The following ZNF713 variants were observed in gnomAD, a reference collection of about 807,000 sequenced individuals.
The protein encoded by ZNF713 is zinc finger protein 713.
A neutral mutation model predicts 28.7 loss-of-function variants in ZNF713; 21 were observed. That is an observed-to-expected ratio of 0.73 (90% CI 0.52 to 1.05). ZNF713 has a LOEUF of 1.05. Among genes scored for constraint, ZNF713 ranks in the 50% least tolerant of loss-of-function variants. The probability of loss-of-function intolerance (pLI) is 0.00; values close to 1 mark genes in which losing one functional copy is unlikely to be tolerated. For missense variants in ZNF713, 458 were observed against 532.4 expected (o/e 0.86, Z 1.37); for synonymous variants, 167 against 178.0 (o/e 0.94, Z 0.49).
At position 55,923,608 on chromosome 7, in the gene ZNF713, G is replaced by A; in HGVS notation, c.216G>A (p.Gly72=). ...LENYRNLVAL[G]YQLCKPEVIA... Reference sequence around the variant, plus strand: ...GATGTATGTTACTCCTGTGAATAGGGTATCAGCTTTGTAAGCCAGAGGTAA... The same window carrying A: ...GATGTATGTTACTCCTGTGAATAGGATATCAGCTTTGTAAGCCAGAGGTAA... Residue 72 remains glycine, a splice_region_variant and synonymous_variant, in exon 6 of 7, where the codon GGG becomes GGA. Coordinates refer to ENST00000429591, the MANE Select transcript of ZNF713 (RefSeq NM_182633.3). 1.3e-6 allele frequency: 2 copies of A among 1,597,208 alleles called. No individual in the cohort carries two copies. The highest frequency in any genetic ancestry group is 1.7e-6 in the Non-Finnish European group (2 of 1,170,810).
In ZNF713 at chr7:55,918,044, G is replaced by T. The variant is rs959844465; in HGVS notation, c.88-5118G>T. The T allele has an allele frequency of 8.8e-6, 4 of 456,592 alleles. No homozygotes were observed. The East Asian group carries it at 2.8e-4, about 32-fold the overall frequency. 28.3% of individuals were successfully genotyped at this position (456,592 alleles called of 1,614,324 possible). On this transcript the variant is annotated intron_variant, in intron 4 of 6. Transcript: ENST00000429591. ...CTTTGACACTCATCCCATTATAGAT[G>T]TGGAGATCTGTGTGCTCTCCATTGG...
At chr7:55,905,815 C>T (rs1161406931) in intron 1 of ZNF713, among the ~76,000 whole-genome samples, 1 of 151,700 alleles carries the variant, frequency 6.6e-6, no homozygotes, top group African/African-American at 2.4e-5. Context: ...TTTAAAAATC[C>T]ACTTATGGCT....
chr7:55,893,395 A>G (rs2116164792), intron 1 of ZNF713, among the ~76,000 whole-genome samples: 1 of 152,292 alleles, frequency 6.6e-6, no homozygotes, highest in East Asian at 1.9e-4. Context: ...CTCTTTGGGA[A>G]GTATTCCTTC....
Position 55,942,094 on chromosome 7 carries a change from A to C in ZNF713, c.*2088A>C, listed in dbSNP as rs947756679. On this transcript the variant is annotated 3_prime_UTR_variant, in exon 7 of 7. Coordinates refer to ENST00000429591, the MANE Select transcript of ZNF713 (RefSeq NM_182633.3). Reference sequence around the variant, plus strand: ...TAATGACCAGAGACTAAGAATTCCCATGCCACCCCGTATCACTGTGGAAGA... The same window carrying C: ...TAATGACCAGAGACTAAGAATTCCCCTGCCACCCCGTATCACTGTGGAAGA... The C allele has an allele frequency of 2.6e-5, 4 of 152,074 alleles. No homozygotes were observed. Among genetic ancestry groups the C allele is most frequent in the African/African-American group, 9.7e-5 (4 of 41,418 alleles). 9.4% of individuals were successfully genotyped at this position (152,074 alleles called of 1,614,324 possible). A position where few individuals can be genotyped will look rare whatever the true frequency, so the allele number is the denominator to read the frequency against.
At chr7:55,933,676 C>T (rs1343674280) in intron 6 of ZNF713, among the ~76,000 whole-genome samples, 2 of 152,048 alleles carry the variant, frequency 1.3e-5, no homozygotes, top group African/African-American at 2.4e-5. Context: ...GTTGGCCATG[C>T]ATAAACTAAT....
At chr7:55,919,577 C>A (rs927349670) in intron 4 of ZNF713, among the ~76,000 whole-genome samples, 3 of 140,108 alleles carry the variant, frequency 2.1e-5, no homozygotes, top group African/African-American at 5.2e-5. Flanking sequence ...ACGATCCTGG[C>A]TCACTGCAAC....
rs1323846914 is a variant in ZNF713, at chr7:55,887,865, C to T, written c.-583+185C>T. Among the ~76,000 whole-genome samples the T allele has an allele frequency of 3.4e-4, 3 of 8,804 alleles. 1 individual carries two copies. The highest frequency in any genetic ancestry group is 0.012 in the South Asian group (2 of 164). The allele number at this position is 8,804 out of a possible 152,430, so 5.8% of individuals were successfully genotyped here. A position where few individuals can be genotyped will look rare whatever the true frequency, so the allele number is the denominator to read the frequency against. On this transcript the variant is annotated intron_variant, in intron 1 of 6. Transcript: ENST00000429591. ...GGCGGCGGCGGCGGCGGGCGGCGGG[C>T]GGCGGCGGCGGCGGCGGCGGCGGGC...
At chr7:55,894,851 A>G (rs1170590331) in intron 1 of ZNF713, among the ~76,000 whole-genome samples, 1 of 152,208 alleles carries the variant, frequency 6.6e-6, no homozygotes, top group Non-Finnish European at 1.5e-5. Context: ...ATGAAGTGAG[A>G]TCTACAATAT....
intron 6 of ZNF713, among the ~76,000 whole-genome samples, chr7:55,930,180 C>A (rs1475863811): frequency 1.3e-5 from 2 of 151,996 alleles, no homozygotes; most frequent in Non-Finnish European, 2.9e-5. Flanking sequence ...TTAAAGGAAT[C>A]CAGATACATT....
At chr7:55,934,717 T>C (rs1460522145) in intron 6 of ZNF713, among the ~76,000 whole-genome samples, 1 of 152,050 alleles carries the variant, frequency 6.6e-6, no homozygotes, top group African/African-American at 2.4e-5. Context: ...GTTGTCCAGG[T>C]TGATCTTGAA....
chr7:55,889,200 C>A (rs1785334719), intron 1 of ZNF713, among the ~76,000 whole-genome samples: 1 of 150,294 alleles, frequency 6.7e-6, no homozygotes, highest in Admixed American at 6.6e-5. Context: ...CTCCTGGGTT[C>A]AAATGATTCT....
intron 1 of ZNF713, among the ~76,000 whole-genome samples, chr7:55,892,555 C>CAAAAAAAAAAAAAAAAAAAAAAAAAAAA: frequency 1.3e-5 from 1 of 74,366 alleles, no homozygotes; most frequent in Non-Finnish European, 2.3e-5. Context: ...AAGCACTGAC[C>CAAAAAAAAAAAAAAAAAAAAAAAAAAAA]AAAAAAAAAA....
chr7:55,919,490 G>GTTTTGTTTTTTTTT (rs1785945273), intron 4 of ZNF713, among the ~76,000 whole-genome samples: 1 of 66,760 alleles, frequency 1.5e-5, no homozygotes, highest in Non-Finnish European at 3.1e-5. Flanking sequence ...AAACACTCCA[G>GTTTTGTTTTTTTTT]TTTTTTTTTT....
intron 1 of ZNF713, among the ~76,000 whole-genome samples, chr7:55,900,445 G>C (rs1785554714): frequency 6.6e-6 from 1 of 151,134 alleles, no homozygotes; most frequent in Non-Finnish European, 1.5e-5. Flanking sequence ...TCCAGCCTGG[G>C]CAACAGAGCG....
Position 55,912,071 on chromosome 7 carries a change from A to G in ZNF713, c.-3+3A>G, listed in dbSNP as rs1019362958. On this transcript the variant is annotated splice_donor_region_variant and intron_variant, in intron 3 of 6. Transcript: ENST00000429591. Reference sequence around the variant, plus strand: ...AATCGAGAGACTCAAAAAGGAAGGTAAACACTTGGAAAAATCAGAATAGTG... The same window carrying G: ...AATCGAGAGACTCAAAAAGGAAGGTGAACACTTGGAAAAATCAGAATAGTG... 1 of 152,468 alleles carries G rather than the reference A, an allele frequency of 6.6e-6. No homozygotes were observed. The highest frequency in any genetic ancestry group is 2.4e-5 in the African/African-American group (1 of 41,576). The allele number at this position is 152,468 out of a possible 1,614,324, so 9.4% of individuals were successfully genotyped here. A position where few individuals can be genotyped will look rare whatever the true frequency, so the allele number is the denominator to read the frequency against.
At chr7:55,895,088 A>G (rs997647089) in intron 1 of ZNF713, among the ~76,000 whole-genome samples, 5 of 152,138 alleles carry the variant, frequency 3.3e-5, no homozygotes, top group African/African-American at 1.2e-4. Context: ...TTTCCATGGT[A>G]GAGAGGGGTA....
intron 1 of ZNF713, among the ~76,000 whole-genome samples, chr7:55,895,451 C>CTT (rs55972416): frequency 5.6e-4 from 46 of 82,372 alleles, no homozygotes; most frequent in Non-Finnish European, 9.1e-4. Flanking sequence ...CTGTTATACT[C>CTT]TTTTTTTTTT....
rs1786439696 is a variant in ZNF713 at position 55,940,306 on chromosome 7, T to G, written c.*300T>G. Reference sequence around the variant, plus strand: ...CCCAGCTAATTTTTTGTATTTTTAGTAGAGACGGGGTTTCACCATGTTGGC... The same window carrying G: ...CCCAGCTAATTTTTTGTATTTTTAGGAGAGACGGGGTTTCACCATGTTGGC... On this transcript the variant is annotated 3_prime_UTR_variant, in exon 7 of 7. Transcript: ENST00000429591. The G allele has an allele frequency of 2.0e-6, 1 of 500,778 alleles. No homozygotes were observed. Among genetic ancestry groups the G allele is most frequent in the Non-Finnish European group, 2.7e-6 (1 of 369,346 alleles). The allele number at this position is 500,778 out of a possible 1,614,324, so 31.0% of individuals were successfully genotyped here.
chr7:55,927,455 C>T (rs893597185), intron 6 of ZNF713, among the ~76,000 whole-genome samples: 6 of 146,154 alleles, frequency 4.1e-5, no homozygotes, highest in Non-Finnish European at 9.1e-5. Context: ...CCTAGGTGGT[C>T]GAGGCTGCAG....
Sources: allele counts gnomAD v4.1 joint callset (sites outside exome capture counted in the v4.1 genomes callset), GRCh38; gene constraint gnomAD v4.1.1; transcripts MANE v1.5; gene names NCBI Gene and HGNC (gene_info 2026-07-23, HGNC 2026-07-21).